P4HA2: variants seen among roughly 807,000 people sequenced by gnomAD.
P4HA2 encodes prolyl 4-hydroxylase subunit alpha 2, also known as prolyl 4-hydroxylase subunit alpha-2.
In P4HA2, 46 loss-of-function variants were observed where a neutral mutation model predicts 76.9. The observed-to-expected ratio is 0.60, with a 90% confidence interval of 0.47 to 0.76. The LOEUF is 0.76. Among genes scored for constraint, P4HA2 ranks in the 30% least tolerant of loss-of-function variants. The pLI, the probability that P4HA2 is intolerant of heterozygous loss-of-function variation, is 0.00. For synonymous variants in P4HA2, 243 were observed against 254.0 expected (o/e 0.96, Z 0.41); for missense variants, 583 against 669.4 (o/e 0.87, Z 1.42).
Position 132,192,970 on chromosome 5 carries a change from T to C in P4HA2, c.*40A>G. On this transcript the variant is annotated 3_prime_UTR_variant, in exon 15 of 15. Transcript: ENST00000360568. The stretch of plus-strand genomic sequence containing the variant: ...TACAAAGGTGTCTGTCACGTTGACA[T>C]GGGCTGAAGGACCAGGAAGGGGAAG... 1 of 1,304,654 alleles carries C rather than the reference T, an allele frequency of 7.7e-7. No homozygotes were observed. The highest frequency in any genetic ancestry group is 1.1e-6 in the Non-Finnish European group (1 of 897,320). The allele number at this position is 1,304,654 out of a possible 1,614,324, so 80.8% of individuals were successfully genotyped here.
At chr5:132,222,835 A>C (rs1470566914) in intron 1 of P4HA2, among the ~76,000 whole-genome samples, 1 of 152,234 alleles carries the variant, frequency 6.6e-6, no homozygotes, top group East Asian at 1.9e-4. Context: ...GTCTTGCTTC[A>C]GTAACTAGAC....
chr5:132,202,010 A>G (rs952469539), intron 10 of P4HA2: 9 of 152,174 alleles, frequency 5.9e-5, no homozygotes, highest in African/African-American at 1.9e-4. Context: ...TTAAAAACAA[A>G]AACAAAAACC....
chr5:132,213,555 T>C (rs538515616), intron 5 of P4HA2, among the ~76,000 whole-genome samples: 8 of 152,268 alleles, frequency 5.3e-5, no homozygotes, highest in Admixed American at 4.6e-4. Context: ...GACAGGGGGA[T>C]AGTAAGCCCA....
Position 132,195,019 on chromosome 5 carries a change from T to C in P4HA2, c.1438A>G (p.Thr480Ala). The change falls in exon 14 of 15, where the codon ACA (threonine) becomes GCA (alanine). Residue 480 changes from threonine to alanine, a missense_variant. Physicochemically the swap from Thr to Ala is moderately conservative, Grantham distance 58. Transcript: ENST00000360568. Reference sequence around the variant, plus strand: ...AAGAGGTTGTACCAGAACACAGCTGTACCCTGGGAAAGAGATGGCCTTTCA... The same window carrying C: ...AAGAGGTTGTACCAGAACACAGCTGCACCCTGGGAAAGAGATGGCCTTTCA... ...LGAAIWPKKG[T>A]AVFWYNLLRS... is the part of the protein sequence containing the mutation. The C allele has an allele frequency of 6.2e-7, 1 of 1,602,826 alleles. No individual in the cohort carries two copies. Among genetic ancestry groups the C allele is most frequent in the Non-Finnish European group, 8.5e-7 (1 of 1,169,628 alleles).
intron 7 of P4HA2, 32 bp from the exon 8 acceptor site, chr5:132,207,916 G>A: frequency 6.6e-7 from 1 of 1,510,852 alleles, no homozygotes; most frequent in Non-Finnish European, 8.9e-7. Context: ...GCCCTGAGCT[G>A]AGTGAGTCCT....
intron 3 of P4HA2, 122 bp from the exon 4 acceptor site, chr5:132,217,470 T>C: frequency 1.1e-6 from 1 of 876,200 alleles, no homozygotes; most frequent in Non-Finnish European, 1.8e-6. Flanking sequence ...CAAGAGGCAA[T>C]GAAAAATGAA....
chr5:132,226,205 C>A (rs1755376034), intron 1 of P4HA2, among the ~76,000 whole-genome samples: 1 of 152,158 alleles, frequency 6.6e-6, no homozygotes, highest in South Asian at 2.1e-4. Flanking sequence ...AGGCTGAGAA[C>A]AAGCAGCAGA....
chr5:132,221,191 G>A (rs567781132), intron 1 of P4HA2, among the ~76,000 whole-genome samples: 1 of 152,332 alleles, frequency 6.6e-6, no homozygotes, highest in South Asian at 2.1e-4. Context: ...TACCTGCTGA[G>A]TGCCCCTACA....
At chr5:132,215,428 C>T (rs1037581851) in intron 4 of P4HA2, among the ~76,000 whole-genome samples, 1 of 152,192 alleles carries the variant, frequency 6.6e-6, no homozygotes, top group African/African-American at 2.4e-5. Context: ...AGTCTCCTGC[C>T]GTGCAGGCAG....
At position 132,192,917 on chromosome 5, in the gene P4HA2, C is replaced by A; in HGVS notation, c.*93G>T. 2.4e-6 allele frequency: 2 copies of A among 838,638 alleles called. No individual in the cohort carries two copies. The highest frequency in any genetic ancestry group is 1.4e-5 in the South Asian group (1 of 71,102). The allele number at this position is 838,638 out of a possible 1,614,324, so 51.9% of individuals were successfully genotyped here. A position where few individuals can be genotyped will look rare whatever the true frequency, so the allele number is the denominator to read the frequency against. On this transcript the variant is annotated 3_prime_UTR_variant, in exon 15 of 15. Coordinates refer to ENST00000360568, the MANE Select transcript of P4HA2 (RefSeq NM_001017974.2). The stretch of plus-strand genomic sequence containing the variant: ...GACAAACATTCATTTCTCCAAAAAT[C>A]AGCCTGATAGGAACATACAAAGGAA...
chr5:132,196,004 G>A (rs1192717208), intron 12 of P4HA2, among the ~76,000 whole-genome samples: 3 of 152,164 alleles, frequency 2.0e-5, no homozygotes, highest in African/African-American at 4.8e-5. Flanking sequence ...GTGGGGCACT[G>A]TGTCTCTAGA....
chr5:132,224,434 G>A (rs1349467446), intron 1 of P4HA2, among the ~76,000 whole-genome samples: 1 of 152,210 alleles, frequency 6.6e-6, no homozygotes, highest in Non-Finnish European at 1.5e-5. Flanking sequence ...AGTACCAAGG[G>A]CACCAGAGAA....
rs1347549572 is a variant in P4HA2 at position 132,198,043 on chromosome 5, C to T, written c.1365+278G>A. ...TGGCAGTGGGGAAAATGAATAGAAA[C>T]AGAGGCCAACTCTCCCTACTGCAGC... On this transcript the variant is annotated intron_variant, in intron 12 of 14. Coordinates refer to ENST00000360568, the MANE Select transcript of P4HA2 (RefSeq NM_001017974.2). 7 of 985,348 alleles carry T rather than the reference C, an allele frequency of 7.1e-6. No homozygotes were observed. The East Asian group carries it at 6.8e-4, about 96-fold the overall frequency. The allele number at this position is 985,348 out of a possible 1,614,324, so 61.0% of individuals were successfully genotyped here.
chr5:132,213,386 G>A (rs1753365270), intron 5 of P4HA2, among the ~76,000 whole-genome samples: 1 of 152,146 alleles, frequency 6.6e-6, no homozygotes, highest in South Asian at 2.1e-4. Context: ...GAGGGGAGAA[G>A]AGATGAATCA....
At chr5:132,223,442 T>C (rs1442842848) in intron 1 of P4HA2, among the ~76,000 whole-genome samples, 3 of 152,192 alleles carry the variant, frequency 2.0e-5, no homozygotes, top group African/African-American at 7.2e-5. Flanking sequence ...TTTGTATTTT[T>C]AGTAGAGATG....
chr5:132,207,747 A>T lies in P4HA2; in HGVS notation c.1041T>A (p.Asp347Glu). Residue 347 changes from aspartate (D) to glutamate (E), a missense_variant, in exon 8 of 15, where the codon GAT becomes GAA. Coordinates refer to ENST00000360568, the MANE Select transcript of P4HA2 (RefSeq NM_001017974.2). ...HIVRYYDVMS[D>E]EEIERIKEIA... ...TCTCCTTGATCCTCTCGATTTCCTC[A>T]TCAGACATGACATCGTAGTACCTGA... The T allele has an allele frequency of 1.2e-6, 2 of 1,613,942 alleles. No individual in the cohort carries two copies. The highest frequency in any genetic ancestry group is 1.7e-6 in the Non-Finnish European group (2 of 1,179,924).
rs1305211824 is a variant in P4HA2 at position 132,210,440 on chromosome 5, T to C, written c.553A>G (p.Thr185Ala). ...AGCACCTGCTCCATCCACAACACCGTATGATAATAGTCCCCTTCATTGTAG... is the reference window on the plus strand; with the variant it reads ...AGCACCTGCTCCATCCACAACACCGCATGATAATAGTCCCCTTCATTGTAG... Reference protein sequence around the residue: ...SAYNEGDYYHTVLWMEQVLKQ... With the variant: ...SAYNEGDYYHAVLWMEQVLKQ... The change falls in exon 6 of 15, where the codon ACG (threonine) becomes GCG (alanine). Residue 185 changes from threonine to alanine, a missense_variant. By Grantham distance (58) the Thr-to-Ala change is moderately conservative. Coordinates refer to ENST00000360568, the MANE Select transcript of P4HA2 (RefSeq NM_001017974.2). 6.2e-7 allele frequency: 1 copy of C among 1,614,016 alleles called. No individual in the cohort carries two copies. The highest frequency in any genetic ancestry group is 1.3e-5 in the African/African-American group (1 of 74,916).
intron 10 of P4HA2, chr5:132,202,418 G>C (rs1436176036): frequency 6.6e-6 from 1 of 152,162 alleles, no homozygotes; most frequent in East Asian, 1.9e-4. Flanking sequence ...TTTTCCAAAT[G>C]ATCTTTAATC....
chr5:132,204,819 A>G (rs1285810352), intron 8 of P4HA2, among the ~76,000 whole-genome samples: 1 of 152,234 alleles, frequency 6.6e-6, no homozygotes, highest in East Asian at 1.9e-4. Flanking sequence ...CCACCCACTC[A>G]TACAGGTACA....
Sources: allele counts gnomAD v4.1 joint callset (sites outside exome capture counted in the v4.1 genomes callset), GRCh38; gene constraint gnomAD v4.1.1; transcripts MANE v1.5; gene names NCBI Gene and HGNC (gene_info 2026-07-23, HGNC 2026-07-21).